SYT7: variants seen among roughly 807,000 people sequenced by gnomAD.
The protein encoded by SYT7 is synaptotagmin 7.
SYT7 carries 29 observed loss-of-function variants against 75.1 expected under a neutral mutation model. The ratio of observed to expected loss-of-function variants is 0.39; its 90% CI spans 0.29 to 0.53. SYT7 has a LOEUF of 0.53. Among genes scored for constraint, SYT7 ranks in the 20% least tolerant of loss-of-function variants. SYT7 has a pLI of 0.77. For missense variants in SYT7, 693 were observed against 953.2 expected (o/e 0.73, Z 3.59); for synonymous variants, 376 against 401.7 (o/e 0.94, Z 0.76).
chr11:61,542,979 T>C lies in SYT7; in HGVS notation c.573-400A>G, dbSNP rs779593076. ...GTGGGAGGGGTAGAGGGAGCTGCTG[T>C]GGCCCCTCCCGCTATTTCGCTGGGG... On this transcript the variant is annotated intron_variant, in intron 5 of 12. Transcript: ENST00000539008. This position sits in a 1 kb window ranked among gnomAD's most constrained non-coding sequence, Gnocchi z 7.8. Among the ~76,000 whole-genome samples, 3 of 152,190 alleles carry C rather than the reference T, an allele frequency of 2.0e-5. No homozygotes were observed. Among genetic ancestry groups the C allele is most frequent in the African/African-American group, 4.8e-5 (2 of 41,454 alleles).
At chr11:61,529,949 T>C (rs1260264494) in intron 8 of SYT7, among the ~76,000 whole-genome samples, 2 of 152,106 alleles carry the variant, frequency 1.3e-5, no homozygotes, top group Non-Finnish European at 2.9e-5. Context: ...CTCACAGCAG[T>C]AACTATCTTA....
intron 8 of SYT7, among the ~76,000 whole-genome samples, chr11:61,531,935 C>T (rs1008521752): frequency 6.6e-5 from 10 of 151,250 alleles, no homozygotes; most frequent in East Asian, 1.9e-4. Flanking sequence ...TAGGCCCCAC[C>T]GAAGGCCCAT....
intron 7 of SYT7, among the ~76,000 whole-genome samples, chr11:61,534,910 G>A (rs935065042): frequency 3.3e-5 from 5 of 152,220 alleles, no homozygotes; most frequent in African/African-American, 4.8e-5. Context: ...AAAGGAGCCC[G>A]AAACAGCTGG....
chr11:61,531,137 C>T (rs893072249), intron 8 of SYT7: 2 of 985,446 alleles, frequency 2.0e-6, no homozygotes, highest in Non-Finnish European at 2.4e-6. Context: ...GCTGATTCTG[C>T]CCTGCTTATC....
At chr11:61,572,924 C>T (rs1377842074) in intron 1 of SYT7, among the ~76,000 whole-genome samples, 3 of 152,252 alleles carry the variant, frequency 2.0e-5, no homozygotes, top group Non-Finnish European at 4.4e-5. Context: ...ATCATGTGTG[C>T]ATACATACCC....
intron 7 of SYT7, chr11:61,533,561 C>G (rs1392807904): frequency 3.0e-6 from 3 of 985,314 alleles, no homozygotes; most frequent in Non-Finnish European, 3.6e-6. Context: ...CGTCATTACC[C>G]TCTGCAAACA....
At chr11:61,562,920 C>G (rs1248503775) in intron 1 of SYT7, among the ~76,000 whole-genome samples, 3 of 152,152 alleles carry the variant, frequency 2.0e-5, no homozygotes, top group Non-Finnish European at 4.4e-5. Context: ...GCTGGGATGC[C>G]CTGGGGAGCT....
chr11:61,532,013 C>T (rs1220877278), intron 8 of SYT7, among the ~76,000 whole-genome samples: 1 of 151,920 alleles, frequency 6.6e-6, no homozygotes, highest in Non-Finnish European at 1.5e-5. Flanking sequence ...TTGAGAAACG[C>T]CAGGCTAGAA....
Position 61,523,704 on chromosome 11 carries a change from G to A in SYT7, c.1756+123C>T. ...TCTCTAGGGTAAGGAGTGAGGACTG[G>A]AGGTCGGGGTGTGGCGGGTTGGGGT... On this transcript the variant is annotated intron_variant, in intron 11 of 12. Transcript: ENST00000539008. This position sits in a 1 kb window ranked among gnomAD's most constrained non-coding sequence, Gnocchi z 5.0. 3 of 1,016,370 alleles carry A rather than the reference G, an allele frequency of 3.0e-6. No homozygotes were observed. The highest frequency in any genetic ancestry group is 2.4e-5 in the East Asian group (1 of 41,874). 63.0% of individuals were successfully genotyped at this position (1,016,370 alleles called of 1,614,324 possible).
chr11:61,520,928 G>A (rs149331145), intron 12 of SYT7, among the ~76,000 whole-genome samples: 2,118 of 152,322 alleles, frequency 0.014, 53 homozygotes, highest in African/African-American at 0.044. Flanking sequence ...TCTGTAAAGC[G>A]GGCTGATGAC....
In SYT7 at chr11:61,524,568, C is replaced by T. The variant is rs1270189069; in HGVS notation, c.1472-36G>A. ...AGATGAGTGTGAGTGAAGAGGGGGA[C>T]AGAGGGGCTGCACGGGGCCCGGGAG... On this transcript the variant is annotated intron_variant, in intron 9 of 12. Coordinates refer to ENST00000539008, the MANE Select transcript of SYT7 (RefSeq NM_001365809.2). The surrounding 1 kb of genome is among the most constrained non-coding windows in gnomAD (Gnocchi z 4.1). 13 of 1,538,754 alleles carry T rather than the reference C, an allele frequency of 8.4e-6. No homozygotes were observed. Among genetic ancestry groups the T allele is most frequent in the Non-Finnish European group, 1.1e-5 (12 of 1,139,812 alleles).
intron 1 of SYT7, among the ~76,000 whole-genome samples, chr11:61,568,251 A>G (rs535778786): frequency 6.6e-6 from 1 of 152,314 alleles, no homozygotes; most frequent in Admixed American, 6.5e-5. Flanking sequence ...GGGCTGCTTG[A>G]TATGAACCTT....
chr11:61,523,409 A>G lies in SYT7; in HGVS notation c.1757-135T>C. The G allele has an allele frequency of 3.7e-6, 3 of 811,844 alleles. No homozygotes were observed. The East Asian group carries it at 7.6e-5, about 21-fold the overall frequency. The allele number at this position is 811,844 out of a possible 1,614,324, so 50.3% of individuals were successfully genotyped here. A position where few individuals can be genotyped will look rare whatever the true frequency, so the allele number is the denominator to read the frequency against. ...CCAGAGGCAAGGAAAGACCCAGGCA[A>G]GAACAAGAGGGACCTGGGAGAATCA... On this transcript the variant is annotated intron_variant, in intron 11 of 12. Coordinates refer to ENST00000539008, the MANE Select transcript of SYT7 (RefSeq NM_001365809.2). The surrounding 1 kb of genome is among the most constrained non-coding windows in gnomAD (Gnocchi z 5.0).
At chr11:61,518,869 C>G in intron 12 of SYT7, 138 bp from the exon 13 acceptor site, 2 of 513,388 alleles carry the variant, frequency 3.9e-6, no homozygotes, top group Non-Finnish European at 6.6e-6. Context: ...GACAACCTAC[C>G]CCACAGAGGC....
rs1328286005 is a variant in SYT7, at chr11:61,536,981, C to T, written c.1064+1163G>A. Among the ~76,000 whole-genome samples the T allele has an allele frequency of 2.6e-5, 4 of 152,306 alleles. No individual in the cohort carries two copies. In the East Asian group the frequency reaches 7.7e-4, roughly 29 times the overall value. ...GCTTAGCATATCCGAGCCTGAGGGG[C>T]CATTCCTTAGAGGTTAGCCTGTCCA... On this transcript the variant is annotated intron_variant, in intron 7 of 12. Coordinates refer to ENST00000539008, the MANE Select transcript of SYT7 (RefSeq NM_001365809.2).
chr11:61,524,577 T>A lies in SYT7; in HGVS notation c.1472-45A>T, dbSNP rs752329691. 1 of 1,524,828 alleles carries A rather than the reference T, an allele frequency of 6.6e-7. No homozygotes were observed. The highest frequency in any genetic ancestry group is 8.8e-7 in the Non-Finnish European group (1 of 1,132,972). 94.5% of individuals were successfully genotyped at this position (1,524,828 alleles called of 1,614,324 possible). On this transcript the variant is annotated intron_variant, in intron 9 of 12. Transcript: ENST00000539008. The surrounding 1 kb of genome is among the most constrained non-coding windows in gnomAD (Gnocchi z 4.1). Reference sequence around the variant, plus strand: ...TGAGTGAAGAGGGGGACAGAGGGGCTGCACGGGGCCCGGGAGGCAAGGAAG... The same window carrying A: ...TGAGTGAAGAGGGGGACAGAGGGGCAGCACGGGGCCCGGGAGGCAAGGAAG...
In SYT7 at chr11:61,542,721, G is replaced by A. The variant is rs1361160546; in HGVS notation, c.573-142C>T. ...ACCTCGCCAGGCCTCCATCGGAGCT[G>A]TCGCCACCGCCGTCGCCGCCACTGC... On this transcript the variant is annotated intron_variant, in intron 5 of 12. Transcript: ENST00000539008. The surrounding 1 kb of genome is among the most constrained non-coding windows in gnomAD (Gnocchi z 7.8). The A allele has an allele frequency of 2.2e-6, 3 of 1,353,088 alleles. No individual in the cohort carries two copies. Among genetic ancestry groups the A allele is most frequent in the South Asian group, 3.5e-5 (2 of 57,110 alleles). The allele number at this position is 1,353,088 out of a possible 1,614,324, so 83.8% of individuals were successfully genotyped here.
intron 1 of SYT7, among the ~76,000 whole-genome samples, chr11:61,564,639 C>G (rs1430657802): frequency 1.3e-5 from 2 of 152,116 alleles, no homozygotes; most frequent in African/African-American, 4.8e-5. Flanking sequence ...AGGGGAGCCA[C>G]GCCTTGAAAT....
At chr11:61,547,486 G>A (rs970189514) in intron 3 of SYT7, among the ~76,000 whole-genome samples, 178 bp from the exon 4 acceptor site, 2 of 152,052 alleles carry the variant, frequency 1.3e-5, no homozygotes, top group African/African-American at 4.8e-5. Context: ...TCTGTGCCTG[G>A]CACACGCACG....
Sources: allele counts gnomAD v4.1 joint callset (sites outside exome capture counted in the v4.1 genomes callset), GRCh38; gene constraint gnomAD v4.1.1; non-coding constraint Gnocchi (gnomAD v3.1); transcripts MANE v1.5; gene names NCBI Gene and HGNC (gene_info 2026-07-23, HGNC 2026-07-21).